SYT11: variants seen among roughly 807,000 people sequenced by gnomAD.
SYT11 encodes the protein synaptotagmin 11, also known as synaptotagmin-11.
In SYT11, 12 loss-of-function variants were observed where a neutral mutation model predicts 30.4. That is an observed-to-expected ratio of 0.39 (90% CI 0.25 to 0.64). SYT11 has a LOEUF of 0.64. Ranked by LOEUF, SYT11 falls within the 30% of genes least tolerant of loss-of-function variation. The pLI is 0.45. For synonymous variants in SYT11, 204 were observed against 216.0 expected (o/e 0.94, Z 0.49); for missense variants, 412 against 552.0 (o/e 0.75, Z 2.54).
intron 1 of SYT11, among the ~76,000 whole-genome samples, chr1:155,865,520 C>G (rs545646379): frequency 2.9e-4 from 44 of 151,462 alleles, no homozygotes; most frequent in Non-Finnish European, 1.5e-5. Context: ...CCCAGCTACT[C>G]GGGAGGCTGA....
intron 1 of SYT11, among the ~76,000 whole-genome samples, chr1:155,867,037 A>G (rs1279216414): frequency 6.7e-6 from 1 of 149,408 alleles, no homozygotes; most frequent in Non-Finnish European, 1.5e-5. Context: ...TTTGCCTACA[A>G]TGGATATATT....
intron 1 of SYT11, 150 bp downstream of exon 1, chr1:155,859,945 T>TAGTGGGC: frequency 1.3e-6 from 1 of 766,430 alleles, no homozygotes; most frequent in Non-Finnish European, 2.3e-6. Flanking sequence ...GGGTAGTGGG[T>TAGTGGGC]AGTGGGCAGT....
intron 1 of SYT11, among the ~76,000 whole-genome samples, chr1:155,865,473 C>T (rs910668738): frequency 1.3e-5 from 2 of 151,808 alleles, no homozygotes; most frequent in African/African-American, 4.8e-5. Flanking sequence ...ACTAAAAATA[C>T]AAAAATTAGC....
At chr1:155,876,235 C>CTTTTTTTTTTTTTTTTT (rs67952920) in intron 2 of SYT11, among the ~76,000 whole-genome samples, 1 of 96,118 alleles carries the variant, frequency 1.0e-5, no homozygotes, top group Non-Finnish European at 1.9e-5. Context: ...ACTCACCTCC[C>CTTTTTTTTTTTTTTTTT]TTTTTTTTTT....
chr1:155,869,263 CTTTTTTTTTTT>C (rs767071892), intron 2 of SYT11, among the ~76,000 whole-genome samples: 2 of 83,880 alleles, frequency 2.4e-5, no homozygotes, highest in South Asian at 4.7e-4. Flanking sequence ...ATGTACATGT[CTTTTTTTTTTT>C]TTTTTTTTTT....
chr1:155,871,771 C>T (rs1273263045), intron 2 of SYT11, among the ~76,000 whole-genome samples: 1 of 152,176 alleles, frequency 6.6e-6, no homozygotes, highest in Non-Finnish European at 1.5e-5. Flanking sequence ...TCCAGCCTCC[C>T]AGGCTTCCTA....
chr1:155,881,187 G>T lies in SYT11; in HGVS notation c.986-11G>T, dbSNP rs776796393. ...CTGTCTCCCTTTTTCTTATCTCTTT[G>T]GGGGCCCCAGATCCTTATGTCAAGG... On this transcript the variant is annotated splice_polypyrimidine_tract_variant and intron_variant, in intron 3 of 3. Transcript: ENST00000368324. The T allele has an allele frequency of 3.7e-6, 6 of 1,605,304 alleles. No homozygotes were observed. In the Admixed American group the frequency reaches 6.8e-5, roughly 18 times the overall value.
Position 155,881,528 on chromosome 1 carries a change from A to C in SYT11, c.*20A>C. ...TACTAATCCTGTTCTTCTCTCCTCTAATCCCCGGGGGCCAAGCTGGGGAGG... is the reference window on the plus strand; with the variant it reads ...TACTAATCCTGTTCTTCTCTCCTCTCATCCCCGGGGGCCAAGCTGGGGAGG... On this transcript the variant is annotated 3_prime_UTR_variant, in exon 4 of 4. Coordinates refer to ENST00000368324, the MANE Select transcript of SYT11 (RefSeq NM_152280.5). 6.4e-7 allele frequency: 1 copy of C among 1,566,910 alleles called. No homozygotes were observed. The highest frequency in any genetic ancestry group is 8.7e-7 in the Non-Finnish European group (1 of 1,151,104).
chr1:155,860,915 A>G lies in SYT11; in HGVS notation c.34+1120A>G, dbSNP rs566339648. ...GCCCTGCTTCTCCTTGATTCAGTTT[A>G]GATGGGGGAAGCCAGTGAGAGTTGC... On this transcript the variant is annotated intron_variant, in intron 1 of 3. Transcript: ENST00000368324. This position sits in a 1 kb window ranked among gnomAD's most constrained non-coding sequence, Gnocchi z 4.1. Among the ~76,000 whole-genome samples, 3 of 152,290 alleles carry G rather than the reference A, an allele frequency of 2.0e-5. No homozygotes were observed. In the South Asian group the frequency reaches 6.2e-4, roughly 32 times the overall value.
chr1:155,867,064 C>CT (rs59482594), intron 1 of SYT11, among the ~76,000 whole-genome samples: 121,340 of 145,918 alleles, frequency 0.83, 52,733 homozygotes, highest in East Asian at 1. Context: ...GGAGGAATAC[C>CT]TTTTTTTTTT....
intron 2 of SYT11, among the ~76,000 whole-genome samples, chr1:155,878,030 C>T (rs1054070963): frequency 6.6e-6 from 1 of 152,036 alleles, no homozygotes; most frequent in African/African-American, 2.4e-5. Context: ...ATTGCTTGAC[C>T]CCAGGAATTT....
chr1:155,866,424 G>T (rs550620256), intron 1 of SYT11, among the ~76,000 whole-genome samples: 2 of 152,206 alleles, frequency 1.3e-5, no homozygotes, highest in African/African-American at 4.8e-5. Flanking sequence ...GCCTATTTCT[G>T]TTTAGTTATT....
chr1:155,868,203 T>TAGGAACCTGTTGGTGGACGC lies in SYT11; in HGVS notation c.276_295dup (p.Ala99GlyfsTer13). 6.2e-7 allele frequency: 1 copy of TAGGAACCTGTTGGTGGACGC among 1,613,936 alleles called. No individual in the cohort carries two copies. The highest frequency in any genetic ancestry group is 8.5e-7 in the Non-Finnish European group (1 of 1,179,960). On this transcript the variant is annotated frameshift_variant, in exon 2 of 4. Coordinates refer to ENST00000368324, the MANE Select transcript of SYT11 (RefSeq NM_152280.5). LOFTEE classifies it high-confidence loss of function. The surrounding 1 kb of genome is among the most constrained non-coding windows in gnomAD (Gnocchi z 4.7). ...ATGGTCCTGGGAGGGAAGGTGGACGTAGGAACCTGTTGGTGGACGCAGCAG... is the reference window on the plus strand; with the variant it reads ...ATGGTCCTGGGAGGGAAGGTGGACGTAGGAACCTGTTGGTGGACGCAGGAACCTGTTGGTGGACGCAGCAG...
intron 2 of SYT11, among the ~76,000 whole-genome samples, chr1:155,875,646 G>A (rs1054757581): frequency 6.6e-5 from 10 of 152,028 alleles, no homozygotes; most frequent in Non-Finnish European, 1.0e-4. Context: ...CAAGTGATCC[G>A]CCCTCCTCGG....
intron 2 of SYT11, among the ~76,000 whole-genome samples, chr1:155,876,842 G>C (rs750473266): frequency 3.7e-4 from 56 of 151,984 alleles, no homozygotes; most frequent in Non-Finnish European, 6.2e-4. Flanking sequence ...CTGGAGTGCA[G>C]TGGCGTGATC....
At chr1:155,866,983 C>T (rs891777103) in intron 1 of SYT11, among the ~76,000 whole-genome samples, 1 of 102,188 alleles carries the variant, frequency 9.8e-6, no homozygotes, top group African/African-American at 2.7e-5. Context: ...CACACACACA[C>T]ACACACACAT....
intron 1 of SYT11, among the ~76,000 whole-genome samples, chr1:155,864,675 A>G (rs1420738330): frequency 6.7e-6 from 1 of 149,234 alleles, no homozygotes; most frequent in Non-Finnish European, 1.5e-5. Context: ...ATTTACATTT[A>G]TCCCTGATAT....
intron 1 of SYT11, among the ~76,000 whole-genome samples, chr1:155,867,609 G>T (rs549087365): frequency 4.6e-5 from 7 of 152,170 alleles, no homozygotes; most frequent in Non-Finnish European, 8.8e-5. Flanking sequence ...AGGTGCTCAT[G>T]TAAAAAGGTG....
chr1:155,878,972 CT>C (rs1672916702), intron 2 of SYT11, among the ~76,000 whole-genome samples: 1 of 152,130 alleles, frequency 6.6e-6, no homozygotes, highest in African/African-American at 2.4e-5. Context: ...CTTAGACAGG[CT>C]TCTCATTTCT....
Sources: allele counts gnomAD v4.1 joint callset (sites outside exome capture counted in the v4.1 genomes callset), GRCh38; gene constraint gnomAD v4.1.1; non-coding constraint Gnocchi (gnomAD v3.1); transcripts MANE v1.5; gene names NCBI Gene and HGNC (gene_info 2026-07-23, HGNC 2026-07-21).